Variants in CCR6 observed in about 807,000 individuals in gnomAD.
CCR6 encodes C-C chemokine receptor type 6.
CCR6 carries 2 observed loss-of-function variants against 3.0 expected under a neutral mutation model. The observed-to-expected ratio is 0.66, with a 90% CI of 0.27 to 2.07. The LOEUF (loss-of-function observed/expected upper bound fraction) is 2.07. Among genes scored for constraint, CCR6 ranks in the 30% most tolerant of loss-of-function variants. CCR6 has a pLI of 0.14. For missense variants in CCR6, 322 were observed against 462.8 expected, an observed-to-expected ratio of 0.70 and a Z score of 2.79; for synonymous variants, 193 against 184.3, an observed-to-expected ratio of 1.05 and a Z score of -0.38.
chr6:167,114,011 G>A (rs79470115), intron 1 of CCR6, among the ~76,000 whole-genome samples: 1,897 of 152,346 alleles, frequency 0.012, 25 homozygotes, highest in Non-Finnish European at 0.02. Context: ...AGCAGAGATC[G>A]TTAGGGCAGG....
intron 1 of CCR6, among the ~76,000 whole-genome samples, chr6:167,133,105 A>G (rs1781795623): frequency 6.6e-6 from 1 of 152,238 alleles, no homozygotes. Flanking sequence ...TTCAAAGAGC[A>G]GAAGTTTTAC....
intron 1 of CCR6, among the ~76,000 whole-genome samples, chr6:167,116,575 A>G (rs1454194481): frequency 6.6e-6 from 1 of 152,148 alleles, no homozygotes; most frequent in Non-Finnish European, 1.5e-5. Context: ...CTGAGAGTAG[A>G]GCTGCTCTTT....
chr6:167,121,764 C>T (rs985596853), upstream of CCR6, among the ~76,000 whole-genome samples: 1 of 152,130 alleles, frequency 6.6e-6, no homozygotes, highest in South Asian at 2.1e-4. Context: ...AGGAAAACAG[C>T]CAGGACTTAG....
chr6:167,124,121 A>G (rs1372878652), intron 1 of CCR6, among the ~76,000 whole-genome samples: 1 of 152,224 alleles, frequency 6.6e-6, no homozygotes, highest in Non-Finnish European at 1.5e-5. Context: ...GCAGCAGGAC[A>G]TAGATATTGT....
At chr6:167,116,584 T>G (rs867171106) in intron 1 of CCR6, among the ~76,000 whole-genome samples, 1 of 152,206 alleles carries the variant, frequency 6.6e-6, no homozygotes, top group South Asian at 2.1e-4. Context: ...GAGCTGCTCT[T>G]TCTCCCTGCA....
At chr6:167,124,852 T>C (rs1268320328) in intron 1 of CCR6, among the ~76,000 whole-genome samples, 1 of 151,740 alleles carries the variant, frequency 6.6e-6, no homozygotes, top group African/African-American at 2.4e-5. Context: ...CACGTCCATA[T>C]GTACACACAC....
At chr6:167,117,409 T>TGAGTCTCCCTGTCAGTCCTTAATG (rs1482402674) in intron 1 of CCR6, among the ~76,000 whole-genome samples, 4 of 132,494 alleles carry the variant, frequency 3.0e-5, no homozygotes, top group African/African-American at 1.2e-4. Context: ...TTTTCTTTTT[T>TGAGTCTCCCTGTCAGTCCTTAATG]TTTTTCTTTT....
upstream of CCR6, among the ~76,000 whole-genome samples, chr6:167,118,547 C>T (rs1340261245): frequency 6.6e-6 from 1 of 152,078 alleles, no homozygotes; most frequent in African/African-American, 2.4e-5. Context: ...GTTTGATTTC[C>T]CTATTTCTGT....
chr6:167,122,755 C>T (rs1781607692), upstream of CCR6: 1 of 152,370 alleles, frequency 6.6e-6, no homozygotes, highest in South Asian at 2.1e-4. The surrounding 1 kb of genome is among the most constrained non-coding windows in gnomAD (Gnocchi z 4.2). Context: ...ATGTCTTTAA[C>T]TCACACGGCC....
intron 1 of CCR6, among the ~76,000 whole-genome samples, chr6:167,128,522 G>A (rs979499969): frequency 2.0e-5 from 3 of 152,216 alleles, no homozygotes; most frequent in African/African-American, 7.2e-5. Flanking sequence ...GATTTTTGCT[G>A]CTGCTGCACT....
At chr6:167,121,394 A>C (rs961391771), upstream of CCR6, 3 of 152,222 alleles carry the variant, frequency 2.0e-5, no homozygotes, top group Non-Finnish European at 4.4e-5. Flanking sequence ...CTAATCATCT[A>C]TAAAAGGGCT....
chr6:167,136,448 T>C lies in CCR6; in HGVS notation c.218T>C (p.Phe73Ser). 1 of 1,609,050 alleles carries C rather than the reference T, an allele frequency of 6.2e-7. No individual in the cohort carries two copies. Among genetic ancestry groups the C allele is most frequent in the Non-Finnish European group, 8.5e-7 (1 of 1,178,006 alleles). ...GNILVVITFAFYKKARSMTDV... is the reference protein window; with the variant it reads ...GNILVVITFASYKKARSMTDV... ...ATTCTGGTGGTGATCACCTTTGCTT[T>C]TTATAAGAAGGCCAGGTCTATGACA... is the stretch of plus-strand genomic sequence containing the variant. The change falls in exon 3 of 3, where the codon TTT (phenylalanine) becomes TCT (serine). Residue 73 changes from phenylalanine (F) to serine (S), a missense_variant. Phe to Ser is a radical substitution (Grantham distance 155, BLOSUM62 -2). Coordinates refer to ENST00000341935, the MANE Select transcript of CCR6 (RefSeq NM_031409.4). The surrounding 1 kb of genome is among the most constrained non-coding windows in gnomAD (Gnocchi z 4.6).
chr6:167,125,425 C>A (rs1781656178), intron 1 of CCR6, among the ~76,000 whole-genome samples: 1 of 152,234 alleles, frequency 6.6e-6, no homozygotes, highest in Non-Finnish European at 1.5e-5. Flanking sequence ...GGGAGCCCCC[C>A]ACCCACAGCT....
upstream of CCR6, among the ~76,000 whole-genome samples, chr6:167,118,523 A>C (rs550512778): frequency 2.0e-5 from 3 of 152,304 alleles, no homozygotes; most frequent in Admixed American, 2.0e-4. Context: ...TAGTAAATAA[A>C]AAGTAAGCTT....
At chr6:167,120,763 C>T (rs769098579), upstream of CCR6, 8 of 152,346 alleles carry the variant, frequency 5.3e-5, no homozygotes, top group South Asian at 2.1e-4. Flanking sequence ...CCACATTCCT[C>T]GCCTTTTATG....
chr6:167,113,289 AG>A (rs199510967), intron 1 of CCR6, among the ~76,000 whole-genome samples: 1 of 152,050 alleles, frequency 6.6e-6, no homozygotes, highest in African/African-American at 2.4e-5. Flanking sequence ...AGTTCTGATA[AG>A]GGGGGGCTGT....
intron 1 of CCR6, among the ~76,000 whole-genome samples, chr6:167,113,894 G>A (rs866995469): frequency 6.6e-5 from 10 of 152,316 alleles, no homozygotes; most frequent in South Asian, 2.1e-4. Flanking sequence ...ATTTTGGGGG[G>A]TAGAATGAGA....
At chr6:167,118,661 G>A (rs2114912975), upstream of CCR6, among the ~76,000 whole-genome samples, 1 of 152,236 alleles carries the variant, frequency 6.6e-6, no homozygotes, top group South Asian at 2.1e-4. Flanking sequence ...ATGTATCCCA[G>A]AAAGGTATGA....
At chr6:167,124,903 CATGT>C (rs1488766653) in intron 1 of CCR6, among the ~76,000 whole-genome samples, 2 of 151,952 alleles carry the variant, frequency 1.3e-5, no homozygotes, top group African/African-American at 4.8e-5. Flanking sequence ...TGCATACACA[CATGT>C]ATGTATACAT....
Sources: gnomAD v4.1 joint callset for allele counts (sites outside exome capture counted in the v4.1 genomes callset) on GRCh38, gnomAD v4.1.1 for gene constraint, Gnocchi (gnomAD v3.1) non-coding constraint, MANE v1.5 for transcripts, NCBI Gene and HGNC (gene_info 2026-07-23, HGNC 2026-07-21) for gene names.